STPG2: variants seen among roughly 807,000 people sequenced by gnomAD.
STPG2 encodes the protein sperm tail PG-rich repeat containing 2, also known as sperm-tail PG-rich repeat-containing protein 2.
A neutral mutation model predicts 54.2 loss-of-function variants in STPG2; 56 were observed. The observed-to-expected ratio is 1.03, with a 90% CI of 0.83 to 1.29. The LOEUF (loss-of-function observed/expected upper bound fraction) is 1.29, where lower values mean the gene tolerates loss of function less well. Ranked by LOEUF, STPG2 falls within the 50% of genes most tolerant of loss-of-function variation. The pLI is 0.00. For synonymous variants in STPG2, 200 were observed against 181.8 expected (o/e 1.10, Z -0.81); for missense variants, 596 against 544.9 (o/e 1.09, Z -0.93).
At chr4:97,899,717 G>A (rs757635970) in intron 8 of STPG2, among the ~76,000 whole-genome samples, 3 of 152,090 alleles carry the variant, frequency 2.0e-5, no homozygotes, top group Non-Finnish European at 4.4e-5. Flanking sequence ...AACATGCAAT[G>A]GGGAAAATAA....
At position 97,868,664 on chromosome 4, in the gene STPG2, C is replaced by T. The variant is rs919959227; in HGVS notation, c.1045-27732G>A. On this transcript the variant is annotated intron_variant, in intron 8 of 10. Transcript: ENST00000295268. ...CTCCTTTACATTTTCTGGGTTTGTG[C>T]CGTCTCATTTACAACTCCCCATCTC... Among the ~76,000 whole-genome samples, 3 of 151,716 alleles carry T rather than the reference C, an allele frequency of 2.0e-5. No individual in the cohort carries two copies. The Admixed American group carries it at 2.0e-4, about 10-fold the overall frequency.
intron 7 of STPG2, among the ~76,000 whole-genome samples, chr4:97,950,089 T>C (rs1733409393): frequency 6.6e-6 from 1 of 152,058 alleles, no homozygotes. Context: ...CTGATTTGTT[T>C]CTTTTTAAAA....
At chr4:97,935,023 T>G (rs188845249) in intron 8 of STPG2, among the ~76,000 whole-genome samples, 2 of 152,324 alleles carry the variant, frequency 1.3e-5, no homozygotes, top group African/African-American at 4.8e-5. Flanking sequence ...TATTACTGCC[T>G]CAATTTCAGA....
At position 97,525,100 on chromosome 4, in the gene STPG2, A is replaced by G. The variant is rs192758905; in HGVS notation, c.462+187599T>C. On this transcript the variant is annotated intron_variant, in intron 4 of 4. Transcript: ENST00000522676. ...ATTTGAAGATGTTATTTATAAAAGA[A>G]TGAACATTTGGACCACTCTAGCATT... Among the ~76,000 whole-genome samples, 538 of 152,092 alleles carry G rather than the reference A, an allele frequency of 3.5e-3. 4 individuals are homozygous for G. Among genetic ancestry groups the G allele is most frequent in the African/African-American group, 0.012 (501 of 41,556 alleles).
chr4:97,473,600 C>G (rs545305082), intron 4 of STPG2, among the ~76,000 whole-genome samples: 8 of 152,280 alleles, frequency 5.3e-5, no homozygotes, highest in Admixed American at 2.6e-4. Context: ...GTCCTGTGCT[C>G]CTGTGATCTC....
intron 5 of STPG2, among the ~76,000 whole-genome samples, chr4:98,019,653 G>A (rs188624645): frequency 8.8e-5 from 13 of 148,016 alleles, no homozygotes; most frequent in South Asian, 4.4e-4. Context: ...CAATGAGCAC[G>A]GAATATTCTT....
chr4:97,900,373 A>G (rs1731130330), intron 8 of STPG2, among the ~76,000 whole-genome samples: 1 of 152,114 alleles, frequency 6.6e-6, no homozygotes, highest in Non-Finnish European at 1.5e-5. Flanking sequence ...CAATTCCTCA[A>G]AGAGCTAAAA....
intron 4 of STPG2, among the ~76,000 whole-genome samples, chr4:97,484,540 T>C (rs1169533447): frequency 6.6e-6 from 1 of 151,698 alleles, no homozygotes; most frequent in Non-Finnish European, 1.5e-5. Context: ...AACACACCAA[T>C]AACAAGCAGT....
chr4:97,973,768 G>T (rs903476375), intron 6 of STPG2, among the ~76,000 whole-genome samples: 1 of 78 alleles, frequency 0.013, no homozygotes, highest in African/African-American at 0.062. Flanking sequence ...TTCAGAGGGT[G>T]CAAGCCCAAG....
chr4:97,905,511 T>G (rs1221990474), intron 8 of STPG2, among the ~76,000 whole-genome samples: 1 of 151,314 alleles, frequency 6.6e-6, no homozygotes, highest in African/African-American at 2.4e-5. Context: ...CATGCCAAAA[T>G]GTAAAGACCA....
In STPG2 at chr4:98,136,753, T is replaced by C. The variant is rs374313505; in HGVS notation, c.110-2294A>G. 9.2e-5 allele frequency among the ~76,000 whole-genome samples: 14 copies of C among 151,798 alleles called. 1 individual carries two copies. Among genetic ancestry groups the C allele is most frequent in the African/African-American group, 3.4e-4 (14 of 41,520 alleles). On this transcript the variant is annotated intron_variant, in intron 1 of 10. Coordinates refer to ENST00000295268, the MANE Select transcript of STPG2 (RefSeq NM_174952.3). ...ATGGAAGCATACTTTGTGAGGCTTA[T>C]TTACTATATATGAAGTGGTACAATA...
chr4:97,890,431 G>C (rs1578659113), intron 8 of STPG2, among the ~76,000 whole-genome samples: 1 of 151,796 alleles, frequency 6.6e-6, no homozygotes, highest in East Asian at 1.9e-4. Flanking sequence ...TCTTTTGGAG[G>C]ACAGAACTTC....
At chr4:98,122,740 A>G (rs1051871195) in intron 3 of STPG2, among the ~76,000 whole-genome samples, 1 of 152,172 alleles carries the variant, frequency 6.6e-6, no homozygotes, top group South Asian at 2.1e-4. Context: ...TTTTTGGAAT[A>G]GTTTCAGAAG....
chr4:97,710,371 A>G (rs546217031), intron 10 of STPG2, among the ~76,000 whole-genome samples: 18 of 152,204 alleles, frequency 1.2e-4, no homozygotes, highest in African/African-American at 4.3e-4. Context: ...AAATGAAAAT[A>G]GCAAGCAGAC....
chr4:98,141,787 G>T (rs890459418), intron 1 of STPG2, among the ~76,000 whole-genome samples: 2 of 152,034 alleles, frequency 1.3e-5, no homozygotes, highest in African/African-American at 4.8e-5. Context: ...TACAGAGTTT[G>T]ACTCTTTTCA....
At chr4:97,687,033 C>T (rs552210330) in intron 10 of STPG2, among the ~76,000 whole-genome samples, 3 of 151,414 alleles carry the variant, frequency 2.0e-5, no homozygotes, top group Non-Finnish European at 4.4e-5. Flanking sequence ...CTCCGCCTCC[C>T]GGGTTCACGC....
intron 4 of STPG2, among the ~76,000 whole-genome samples, chr4:97,544,798 C>G (rs1458453620): frequency 6.6e-6 from 1 of 151,972 alleles, no homozygotes; most frequent in East Asian, 1.9e-4. Context: ...TTCTTTCAGG[C>G]AAGAATTATT....
intron 9 of STPG2, among the ~76,000 whole-genome samples, chr4:97,729,649 C>T (rs1724737310): frequency 6.6e-6 from 1 of 152,036 alleles, no homozygotes; most frequent in Non-Finnish European, 1.5e-5. Flanking sequence ...GGAACTAGCC[C>T]ACAGATAAAA....
At chr4:97,474,975 T>A (rs1730035321) in intron 4 of STPG2, among the ~76,000 whole-genome samples, 1 of 152,102 alleles carries the variant, frequency 6.6e-6, no homozygotes, top group South Asian at 2.1e-4. Context: ...TACAAGTTAA[T>A]TCATACAGCA....
Sources: gnomAD v4.1 joint callset for allele counts (sites outside exome capture counted in the v4.1 genomes callset) on GRCh38, gnomAD v4.1.1 for gene constraint, MANE v1.5 for transcripts, NCBI Gene and HGNC (gene_info 2026-07-23, HGNC 2026-07-21) for gene names.